TEX13C: variants seen among roughly 807,000 people sequenced by gnomAD.
TEX13C encodes testis-expressed protein 13C.
For missense variants in TEX13C, 480 were observed against 298.7 expected (o/e 1.61, Z -4.47); for synonymous variants, 219 against 116.6 (o/e 1.88, Z -5.65).
exon 1 of TEX13C, chrX:125,324,952 C>G (rs1310326199): frequency 8.9e-6 from 1 of 111,833 alleles, no homozygotes; most frequent in Admixed American, 9.4e-5. Context: ...AAAAATAGAG[C>G]TAGACTGGGG....
exon 1 of TEX13C, chrX:125,320,978 C>T (rs1250984676): frequency 2.1e-5 from 11 of 515,497 alleles, no homozygotes; most frequent in Non-Finnish European, 3.5e-5. Context: ...GACGGCCCCT[C>T]CGTGGGACCA....
At chrX:125,322,497 A>T in exon 1 of TEX13C, 2 of 514,448 alleles carry the variant, frequency 3.9e-6, no homozygotes, top group Non-Finnish European at 7.0e-6. Context: ...AGCAGGAGAC[A>T]CAGCCTGAAG....
chrX:125,320,799 A>G (rs2018828927), exon 1 of TEX13C: 2 of 513,444 alleles, frequency 3.9e-6, no homozygotes, highest in Admixed American at 2.7e-5. Flanking sequence ...CTGCTAATGC[A>G]GGCACCTCAT....
exon 1 of TEX13C, chrX:125,320,461 G>C (rs957538706): frequency 1.9e-6 from 1 of 515,912 alleles, no homozygotes; most frequent in Non-Finnish European, 3.5e-6. Flanking sequence ...TGCAGCAGCT[G>C]CGCCTGGAGC....
Position 125,321,931 on chromosome X carries a change from C to A in TEX13C, c.1812C>A (p.Asp604Glu). ...ACCAGGAGATGGTCCCCCTGGGGGACAGCAACAGCCATAGCCTGAAGAAAG... is the reference window on the plus strand; with the variant it reads ...ACCAGGAGATGGTCCCCCTGGGGGAAAGCAACAGCCATAGCCTGAAGAAAG... The change falls in exon 1 of 1, where the codon GAC becomes GAA. Residue 604 changes from aspartate (D) to glutamate (E), a missense_variant. Physicochemically the swap from Asp to Glu is conservative, Grantham distance 45. Transcript: ENST00000632600. 5.9e-6 allele frequency: 3 copies of A among 508,819 alleles called. No individual in the cohort carries two copies. The South Asian group carries it at 7.4e-5, about 13-fold the overall frequency. The allele number at this position is 508,819 out of a possible 1,213,427, so 41.9% of individuals were successfully genotyped here.
exon 1 of TEX13C, chrX:125,320,151 G>A: frequency 4.0e-6 from 2 of 494,594 alleles, no homozygotes; most frequent in Non-Finnish European, 7.3e-6. Context: ...CATGCCAGCG[G>A]GTTCCGCCAT....
exon 1 of TEX13C, chrX:125,320,623 C>T (rs148419853): frequency 0.016 from 8,145 of 514,382 alleles, 386 homozygotes; most frequent in African/African-American, 0.15. Context: ...GTCCAGAAGC[C>T]GGCCAGTATG....
chrX:125,321,308 A>G (rs1326558475), exon 1 of TEX13C: 9 of 513,563 alleles, frequency 1.8e-5, no homozygotes, highest in Non-Finnish European at 3.1e-5. Context: ...GGACAGCAAC[A>G]GCCACAGCCT....
chrX:125,322,564 C>T, exon 1 of TEX13C: 1 of 511,877 alleles, frequency 2.0e-6, no homozygotes. Flanking sequence ...GAATCCACAG[C>T]CTGAAGAAAG....
exon 1 of TEX13C, chrX:125,320,370 A>G (rs1251486380): frequency 1.9e-6 from 1 of 515,939 alleles, no homozygotes. Flanking sequence ...AGGCAGCAGG[A>G]GGAGCTGCTG....
rs185035240 is a variant in TEX13C, at chrX:125,321,129, T to C, written c.1010T>C (p.Leu337Pro). ...CAAGGGGACAGCAGCAGCCACAGCC[T>C]GAAGAAAGATCCAGTGATGCAAGAG... is the stretch of plus-strand genomic sequence containing the variant. Residue 337 changes from leucine (L) to proline (P), a missense_variant, in exon 1 of 1, where the codon CTG becomes CCG. Physicochemically the swap from Leu to Pro is moderately conservative, Grantham distance 98. Coordinates refer to ENST00000632600, the Ensembl canonical transcript of TEX13C. 462 of 514,102 alleles carry C rather than the reference T, an allele frequency of 9.0e-4. No homozygotes were observed. The African/African-American group carries it at 9.3e-3, about 10-fold the overall frequency. 42.4% of individuals were successfully genotyped at this position (514,102 alleles called of 1,213,427 possible). A position where few individuals can be genotyped will look rare whatever the true frequency, so the allele number is the denominator to read the frequency against.
At chrX:125,323,165 AC>A (rs2018865332) in exon 1 of TEX13C, 1 of 431,227 alleles carries the variant, frequency 2.3e-6, no homozygotes, top group East Asian at 3.8e-5. Context: ...ATTTCCCAGG[AC>A]CCCCTTCTGA....
rs982848826 is a variant in TEX13C, at chrX:125,322,907, CAG to C, written c.2789_2790del (p.Gln930ArgfsTer35). 1.2e-5 allele frequency: 6 copies of C among 513,707 alleles called. No individual in the cohort carries two copies. In the African/African-American group the frequency reaches 1.4e-4, roughly 12 times the overall value. 42.3% of individuals were successfully genotyped at this position (513,707 alleles called of 1,213,427 possible). Reference sequence around the variant, plus strand: ...AAATAGCCCATGGAAACACCAGCCTCAGGGGCAGAAGGTCAAGGAACAAAAAA... The same window carrying C: ...AAATAGCCCATGGAAACACCAGCCTCGGGCAGAAGGTCAAGGAACAAAAAA... On this transcript the variant is annotated frameshift_variant, in exon 1 of 1. Transcript: ENST00000632600. LOFTEE classifies it low-confidence loss of function (END_TRUNC).
chrX:125,320,725 C>T (rs2018828365), exon 1 of TEX13C: 1 of 515,380 alleles, frequency 1.9e-6, no homozygotes, highest in Non-Finnish European at 3.5e-6. Flanking sequence ...AGGTAGCAGC[C>T]CCAACAGCTG....
exon 1 of TEX13C, chrX:125,323,010 G>A (rs2018863617): frequency 3.9e-6 from 2 of 515,521 alleles, no homozygotes; most frequent in Non-Finnish European, 7.0e-6. Flanking sequence ...TGCCCATGGT[G>A]TAATGCCATG....
chrX:125,325,184 G>A (rs1170354925), exon 1 of TEX13C: 2 of 111,478 alleles, frequency 1.8e-5, no homozygotes, highest in African/African-American at 6.5e-5. Context: ...GATTTTCTGG[G>A]CCTAACTAGT....
chrX:125,324,768 A>C (rs1177343650), exon 1 of TEX13C: 1 of 112,418 alleles, frequency 8.9e-6, no homozygotes, highest in Non-Finnish European at 1.9e-5. Flanking sequence ...TGTCTTGAAG[A>C]AAAACAGTGC....
At chrX:125,323,106 A>G (rs1256378415) in exon 1 of TEX13C, 8 of 486,194 alleles carry the variant, frequency 1.6e-5, no homozygotes, top group Non-Finnish European at 2.9e-5. Flanking sequence ...GCGTAAACTC[A>G]TTGATTTCAG....
chrX:125,321,670 C>T, exon 1 of TEX13C: 2 of 501,339 alleles, frequency 4.0e-6, no homozygotes, highest in African/African-American at 5.8e-5. Context: ...AGCTGGTCCC[C>T]CTGGGGGACA....
Sources: allele counts gnomAD v4.1 joint callset, GRCh38; gene constraint gnomAD v4.1.1; transcripts MANE v1.5; gene names NCBI Gene and HGNC (gene_info 2026-07-23, HGNC 2026-07-21).